The following SPTBN5 variants were observed in gnomAD, a reference collection of about 807,000 sequenced individuals.
The protein encoded by SPTBN5 is spectrin beta, non-erythrocytic 5.
Under a neutral mutation model 477.6 loss-of-function variants are expected in SPTBN5, and 513 were observed. That is an observed-to-expected ratio of 1.07 (90% confidence interval 1.00 to 1.16). SPTBN5 has a LOEUF of 1.16. Ranked by LOEUF, SPTBN5 falls within the 50% of genes most tolerant of loss-of-function variation. The probability of loss-of-function intolerance (pLI) is 0.00; values close to 1 mark genes in which losing one functional copy is unlikely to be tolerated. For missense variants in SPTBN5, 5,062 were observed against 4,731.8 expected (o/e 1.07, Z -2.05); for synonymous variants, 2,169 against 2,011.7 (o/e 1.08, Z -2.09).
At position 41,879,818 on chromosome 15, in the gene SPTBN5, A is replaced by C. The variant is rs1457591441; in HGVS notation, c.2858T>G (p.Val953Gly). The change falls in exon 15 of 68, where the codon GTC becomes GGC. Residue 953 changes from valine to glycine, a missense_variant. By Grantham distance (109) the Val-to-Gly change is moderately radical. Coordinates refer to ENST00000320955, the MANE Select transcript of SPTBN5 (RefSeq NM_016642.4). ...CCTCAGTTGCTCAGCAGAGCTGCTG[A>C]CCTCAGCCCAGAGGCCCTTTCCCAC... is the stretch of plus-strand genomic sequence containing the variant. ...LAVGKGLWAEVSSSAEQLRQR... is the reference protein window; with the variant it reads ...LAVGKGLWAEGSSSAEQLRQR... The C allele has an allele frequency of 1.2e-6, 2 of 1,613,766 alleles. No homozygotes were observed. Among genetic ancestry groups the C allele is most frequent in the Non-Finnish European group, 1.7e-6 (2 of 1,179,874 alleles).
At chr15:41,892,805 G>T in intron 3 of SPTBN5, 89 bp downstream of exon 3, 1 of 1,435,248 alleles carries the variant, frequency 7.0e-7, no homozygotes, top group African/African-American at 1.4e-5. Context: ...TCTGCCCAGT[G>T]GCCTGGCGCA....
intron 14 of SPTBN5, 35 bp from the exon 15 acceptor site, chr15:41,879,899 C>T (rs1180903308): frequency 6.2e-7 from 1 of 1,612,148 alleles, no homozygotes; most frequent in Non-Finnish European, 8.5e-7. Flanking sequence ...TCTTGGGGGA[C>T]TTTTTCTCTT....
rs1356573421 is a variant in SPTBN5, at chr15:41,853,548, A to T, written c.9980+34T>A. On this transcript the variant is annotated intron_variant, in intron 58 of 67. Transcript: ENST00000320955. ...CCAGGATACCCCCACCCCACAGGGT[A>T]GAGCTGAGCCGGCAGCTGAGGTAGG... 3 of 1,552,400 alleles carry T rather than the reference A, an allele frequency of 1.9e-6. No homozygotes were observed. In the African/African-American group the frequency reaches 4.1e-5, roughly 21 times the overall value.
rs1290267695 is a variant in SPTBN5 at position 41,878,593 on chromosome 15, C to T, written c.3219G>A (p.Leu1073=). Residue 1073 remains leucine (L), a synonymous_variant, in exon 17 of 68, where the codon CTG becomes CTA. Coordinates refer to ENST00000320955, the MANE Select transcript of SPTBN5 (RefSeq NM_016642.4). ...CCTGCAGTGTCTCCACCTGTCCTTG[C>T]AGAGGCTGGCTCTCTGCGTAGCCTG... ...EEPGYAESQP[L]QGQVETLQGL... 3 of 1,612,610 alleles carry T rather than the reference C, an allele frequency of 1.9e-6. No homozygotes were observed. The Admixed American group carries it at 5.0e-5, about 27-fold the overall frequency.
chr15:41,878,476 C>T lies in SPTBN5; in HGVS notation c.3336G>A (p.Gln1112=). The change falls in exon 17 of 68, where the codon CAG becomes CAA. Residue 1112 remains glutamine, a synonymous_variant. Coordinates refer to ENST00000320955, the MANE Select transcript of SPTBN5 (RefSeq NM_016642.4). ...CACTCTCTGCCCACAGTAGCAGTTG[C>T]TGGCTCTCTTGCAGGAAGCTCTGCC... The part of the protein sequence containing the change: ...QARQSFLQES[Q]QLLLWAESVQ... 1 of 1,613,570 alleles carries T rather than the reference C, an allele frequency of 6.2e-7. No homozygotes were observed.
intron 23 of SPTBN5, 42 bp from the exon 24 acceptor site, chr15:41,874,520 T>C (rs1379805711): frequency 1.3e-6 from 2 of 1,496,946 alleles, no homozygotes; most frequent in Admixed American, 2.2e-5. Flanking sequence ...GGGAACAGAG[T>C]GAGCACAAGG....
At chr15:41,855,934 GGTCCAGGT>G (rs2065918902) in intron 53 of SPTBN5, among the ~76,000 whole-genome samples, 189 bp from the exon 54 acceptor site, 1 of 152,212 alleles carries the variant, frequency 6.6e-6, no homozygotes, top group Non-Finnish European at 1.5e-5. Flanking sequence ...TTTTGTAAAG[GGTCCAGGT>G]GATTGTTTTT....
Position 41,854,095 on chromosome 15 carries a change from G to C in SPTBN5, c.9729C>G (p.Ser3243Arg), listed in dbSNP as rs756144401. 3 of 1,581,896 alleles carry C rather than the reference G, an allele frequency of 1.9e-6. No individual in the cohort carries two copies. Among genetic ancestry groups the C allele is most frequent in the Non-Finnish European group, 2.6e-6 (3 of 1,165,588 alleles). ...ALMKGEDGGH[S>R]LSSVRTLQQQ... ...GCTGCAGGGTCCGCACAGATGACAGGCTGTGGCCTCCGTCCTCCCCCTTCA... is the reference window on the plus strand; with the variant it reads ...GCTGCAGGGTCCGCACAGATGACAGCCTGTGGCCTCCGTCCTCCCCCTTCA... The change falls in exon 57 of 68, where the codon AGC becomes AGG. Residue 3243 changes from serine to arginine, a missense_variant. Ser to Arg is a moderately radical substitution (Grantham distance 110). Coordinates refer to ENST00000320955, the MANE Select transcript of SPTBN5 (RefSeq NM_016642.4).
At chr15:41,855,157 T>G in intron 55 of SPTBN5, 67 bp downstream of exon 55, 1 of 1,533,872 alleles carries the variant, frequency 6.5e-7, no homozygotes, top group Non-Finnish European at 8.8e-7. Context: ...AGCAACCCTT[T>G]CATCCCAGGG....
rs1209924553 is a variant in SPTBN5, at chr15:41,885,598, T to A, written c.1520+137A>T. 3 of 1,102,438 alleles carry A rather than the reference T, an allele frequency of 2.7e-6. No homozygotes were observed. In the East Asian group the frequency reaches 8.0e-5, roughly 29 times the overall value. 68.3% of individuals were successfully genotyped at this position (1,102,438 alleles called of 1,614,324 possible). On this transcript the variant is annotated intron_variant, in intron 7 of 67. Transcript: ENST00000320955. The stretch of plus-strand genomic sequence containing the variant: ...CTTGCAAGCATCACTGGGAGATAGA[T>A]CTTTGTAGAGGGATCCCTGAACCCA...
chr15:41,853,425 C>T lies in SPTBN5; in HGVS notation c.10003G>A (p.Glu3335Lys). 1.3e-6 allele frequency: 2 copies of T among 1,589,468 alleles called. No homozygotes were observed. The highest frequency in any genetic ancestry group is 1.1e-5 in the South Asian group (1 of 89,298). Residue 3335 changes from glutamate to lysine, a missense_variant, in exon 59 of 68, where the codon GAG becomes AAG. Physicochemically the swap from Glu to Lys is moderately conservative, Grantham distance 56. Coordinates refer to ENST00000320955, the MANE Select transcript of SPTBN5 (RefSeq NM_016642.4). The stretch of plus-strand genomic sequence containing the variant: ...GCCAGCTCCTCGGAGGACGCCAGCT[C>T]CTGCCTCTCCTGTGCCCATGCTCTG... ...ELLAWAQERQELASSEELAED... is the reference protein window; with the variant it reads ...ELLAWAQERQKLASSEELAED...
chr15:41,852,658 C>G lies in SPTBN5; in HGVS notation c.10425G>C (p.Lys3475Asn), dbSNP rs778819875. The G allele has an allele frequency of 6.2e-7, 1 of 1,613,626 alleles. No individual in the cohort carries two copies. The highest frequency in any genetic ancestry group is 8.5e-7 in the Non-Finnish European group (1 of 1,179,890). Residue 3475 changes from lysine (K) to asparagine (N), a missense_variant, in exon 61 of 68, where the codon AAG becomes AAC. Coordinates refer to ENST00000320955, the MANE Select transcript of SPTBN5 (RefSeq NM_016642.4). ...CCTCTGTCTTTTGCATTTGGGCAAA[C>G]TTCTCTTCCTGGGCTGCCAGCAGCT... ...LEKLLAAQEEKFAQMQKTEME... is the reference protein window; with the variant it reads ...LEKLLAAQEENFAQMQKTEME...
Position 41,854,496 on chromosome 15 carries a change from C to T in SPTBN5, c.9618+286G>A, listed in dbSNP as rs547849701. 2.0e-4 allele frequency among the ~76,000 whole-genome samples: 30 copies of T among 152,140 alleles called. 1 individual carries two copies. In the East Asian group the frequency reaches 4.1e-3, roughly 21 times the overall value. ...CCACGTGAGGGAGCAGGCCGGTTCT[C>T]GGGGATCTGGCTGACCCTGGCAGTA... On this transcript the variant is annotated intron_variant, in intron 56 of 67. Coordinates refer to ENST00000320955, the MANE Select transcript of SPTBN5 (RefSeq NM_016642.4).
In SPTBN5 at chr15:41,882,397, C is replaced by T. The variant is rs2066994696; in HGVS notation, c.2119G>A (p.Ala707Thr). The T allele has an allele frequency of 1.3e-6, 2 of 1,539,244 alleles. No homozygotes were observed. Among genetic ancestry groups the T allele is most frequent in the Non-Finnish European group, 1.7e-6 (2 of 1,148,722 alleles). The stretch of plus-strand genomic sequence containing the variant: ...TCCGGCTGCGTTGGGGGCCTGCGGG[C>T]GCTGAGGTCGCGTCCCCTCCGCACG... ...DLVRRGRDLS[A>T]RRPPTQPDPG... Residue 707 changes from alanine (A) to threonine (T), a missense_variant, in exon 11 of 68, where the codon GCC becomes ACC. Transcript: ENST00000320955.
In SPTBN5 at chr15:41,849,928, T is replaced by C; in HGVS notation, c.10953A>G (p.Lys3651=). ...AQSLSPKLKA[K]PVSSLNECTT... ...TGCACTCATTCAGAGAGCTGACAGG[T>C]TTGGCTTTGAGTTTTGGGCTCAGAC... The change falls in exon 67 of 68, where the codon AAA becomes AAG. Residue 3651 remains lysine, a synonymous_variant. Transcript: ENST00000320955. 6.3e-7 allele frequency: 1 copy of C among 1,596,786 alleles called. No homozygotes were observed. Among genetic ancestry groups the C allele is most frequent in the African/African-American group, 1.3e-5 (1 of 74,704 alleles).
At position 41,885,985 on chromosome 15, in the gene SPTBN5, G is replaced by C; in HGVS notation, c.1270C>G (p.Leu424Val). 1 of 1,548,524 alleles carries C rather than the reference G, an allele frequency of 6.5e-7. No individual in the cohort carries two copies. The highest frequency in any genetic ancestry group is 1.7e-4 in the Middle Eastern group (1 of 5,828). Residue 424 changes from leucine to valine, a missense_variant, in exon 7 of 68, where the codon CTA (leucine) becomes GTA (valine). Coordinates refer to ENST00000320955, the MANE Select transcript of SPTBN5 (RefSeq NM_016642.4). ...TGGAAGCGCCGGGCCAGGGTTTCTA[G>C]CCGCTGCAGCTGCAGTAGCCTCTGC... ...LQQRLLQLQRLETLARRFQHK... is the reference protein window; with the variant it reads ...LQQRLLQLQRVETLARRFQHK...
At chr15:41,853,041 G>GC in intron 59 of SPTBN5, 41 bp from the exon 60 acceptor site, 2 of 1,474,186 alleles carry the variant, frequency 1.4e-6, no homozygotes, top group Non-Finnish European at 1.8e-6. Context: ...CTTGGGTAGG[G>GC]CTCCCACCAT....
intron 2 of SPTBN5, 41 bp downstream of exon 2, chr15:41,893,241 C>G (rs1672459): frequency 0.52 from 833,935 of 1,610,908 alleles, 223,080 homozygotes; most frequent in East Asian, 0.91. Context: ...AGCTGGGGGC[C>G]TGGTATGGGT....
chr15:41,868,258 G>A (rs2066404566), intron 33 of SPTBN5, 40 bp from the exon 34 acceptor site: 2 of 1,574,392 alleles, frequency 1.3e-6, no homozygotes, highest in Admixed American at 1.9e-5. Context: ...TGGGGAGGGT[G>A]GTGTGGGTGA....
Sources: gnomAD v4.1 joint callset for allele counts (sites outside exome capture counted in the v4.1 genomes callset) on GRCh38, gnomAD v4.1.1 for gene constraint, MANE v1.5 for transcripts, NCBI Gene and HGNC (gene_info 2026-07-23, HGNC 2026-07-21) for gene names.